The following FBXO25 variants were observed in gnomAD, a reference collection of about 807,000 sequenced individuals.
FBXO25 encodes F-box only protein 25.
Under a neutral mutation model 51.9 loss-of-function variants are expected in FBXO25, and 45 were observed. The observed-to-expected ratio is 0.87, with a 90% CI of 0.68 to 1.11. The LOEUF is 1.11. FBXO25 is among the 50% of genes most tolerant of loss of function. The probability of loss-of-function intolerance (pLI) is 0.00; values close to 1 mark genes in which losing one functional copy is unlikely to be tolerated. For synonymous variants in FBXO25, 199 were observed against 151.0 expected, an observed-to-expected ratio of 1.32 and a Z score of -2.33; for missense variants, 507 against 428.5, an observed-to-expected ratio of 1.18 and a Z score of -1.62.
chr8:409,333 C>T (rs1294060291), intron 1 of FBXO25, among the ~76,000 whole-genome samples: 1 of 152,152 alleles, frequency 6.6e-6, no homozygotes, highest in Non-Finnish European at 1.5e-5. Flanking sequence ...AAATCTTTTC[C>T]TCTGTGTTGA....
intron 1 of FBXO25, among the ~76,000 whole-genome samples, chr8:410,220 A>G (rs1387955972): frequency 1.3e-5 from 2 of 152,178 alleles, no homozygotes; most frequent in South Asian, 2.1e-4. Context: ...ACACTCACAT[A>G]TCTACATGTA....
At chr8:451,804 G>A (rs1238812035) in intron 7 of FBXO25, among the ~76,000 whole-genome samples, 2 of 152,168 alleles carry the variant, frequency 1.3e-5, no homozygotes, top group Admixed American at 6.5e-5. Context: ...TTTAGTTGTT[G>A]CTTCTCCCAA....
intron 2 of FBXO25, among the ~76,000 whole-genome samples, chr8:418,943 A>G (rs1447011314): frequency 6.6e-6 from 1 of 152,246 alleles, no homozygotes; most frequent in African/African-American, 2.4e-5. Context: ...AAGTTTTAAG[A>G]AGAAAACAGT....
chr8:475,372 G>A lies in FBXO25; in HGVS notation c.*6568G>A, dbSNP rs1316147235. On this transcript the variant is annotated 3_prime_UTR_variant, in exon 10 of 10. Transcript: ENST00000350302. ...TTGTCGTAAGTTATGAAATAAGGAAGTGAGAGACCTCCTACTTGGTTCCCT... is the reference window on the plus strand; with the variant it reads ...TTGTCGTAAGTTATGAAATAAGGAAATGAGAGACCTCCTACTTGGTTCCCT... 6.4e-6 allele frequency: 1 copy of A among 156,714 alleles called. No individual in the cohort carries two copies. Among genetic ancestry groups the A allele is most frequent in the Non-Finnish European group, 1.4e-5 (1 of 71,258 alleles). 9.7% of individuals were successfully genotyped at this position (156,714 alleles called of 1,614,324 possible).
At chr8:447,095 C>G (rs548692966) in intron 5 of FBXO25, among the ~76,000 whole-genome samples, 4 of 152,178 alleles carry the variant, frequency 2.6e-5, no homozygotes, top group African/African-American at 9.7e-5. Flanking sequence ...GTCTAGAAGT[C>G]GAGCCCCACA....
Position 475,564 on chromosome 8 carries a change from C to CTATT in FBXO25, c.*6766_*6769dup, listed in dbSNP as rs1408428089. On this transcript the variant is annotated 3_prime_UTR_variant, in exon 10 of 10. Transcript: ENST00000350302. ...CAATCCATAAACACGGGATTGCTTT[C>CTATT]TATTTATTTGTGTTGACCTTACTTT... The CTATT allele has an allele frequency of 6.6e-6, 1 of 151,902 alleles. No individual in the cohort carries two copies. Among genetic ancestry groups the CTATT allele is most frequent in the Non-Finnish European group, 1.5e-5 (1 of 68,020 alleles). The allele number at this position is 151,902 out of a possible 1,614,324, so 9.4% of individuals were successfully genotyped here.
At chr8:423,395 C>T (rs182574451) in intron 2 of FBXO25, among the ~76,000 whole-genome samples, 1 of 152,154 alleles carries the variant, frequency 6.6e-6, no homozygotes, top group African/African-American at 2.4e-5. Context: ...CAGATCCTGT[C>T]ACCTCGTTAG....
At chr8:438,725 T>C (rs1435602446) in intron 5 of FBXO25, among the ~76,000 whole-genome samples, 1 of 152,176 alleles carries the variant, frequency 6.6e-6, no homozygotes, top group African/African-American at 2.4e-5. Context: ...TTTTCTAACT[T>C]TCAAGAAACT....
chr8:407,392 A>G lies in FBXO25; in HGVS notation c.-8+326A>G, dbSNP rs1481153131. ...GGGTCCGCGGGCGCGTCAGGTAGGGACGATGGGCCGCGGGCGCGTCAGGTG... is the reference window on the plus strand; with the variant it reads ...GGGTCCGCGGGCGCGTCAGGTAGGGGCGATGGGCCGCGGGCGCGTCAGGTG... On this transcript the variant is annotated intron_variant, in intron 1 of 9. Transcript: ENST00000350302. The G allele has an allele frequency of 2.3e-5, 23 of 979,910 alleles. No homozygotes were observed. The South Asian group carries it at 7.6e-4, about 32-fold the overall frequency. 60.7% of individuals were successfully genotyped at this position (979,910 alleles called of 1,614,324 possible). A position where few individuals can be genotyped will look rare whatever the true frequency, so the allele number is the denominator to read the frequency against.
At chr8:418,972 A>T (rs951669537) in intron 2 of FBXO25, among the ~76,000 whole-genome samples, 1 of 152,196 alleles carries the variant, frequency 6.6e-6, no homozygotes, top group Non-Finnish European at 1.5e-5. Context: ...AATGTAAAGT[A>T]GGCAGATTGC....
intron 2 of FBXO25, among the ~76,000 whole-genome samples, chr8:425,816 C>A (rs1201500171): frequency 6.6e-6 from 1 of 151,608 alleles, no homozygotes; most frequent in Non-Finnish European, 1.5e-5. Flanking sequence ...TTTTTTACAT[C>A]ACAGATAACA....
intron 7 of FBXO25, among the ~76,000 whole-genome samples, chr8:453,448 G>A (rs1424828761): frequency 2.0e-5 from 3 of 152,072 alleles, no homozygotes; most frequent in Non-Finnish European, 4.4e-5. Context: ...GTAGGAGTTG[G>A]CCAGAGGAGT....
intron 2 of FBXO25, among the ~76,000 whole-genome samples, chr8:413,792 A>C (rs1161843736): frequency 4.6e-5 from 7 of 152,224 alleles, no homozygotes; most frequent in African/African-American, 1.7e-4. Flanking sequence ...AGTTACATGC[A>C]TCACGTTGCC....
intron 1 of FBXO25, among the ~76,000 whole-genome samples, chr8:410,190 CTG>C (rs1563057475): frequency 6.6e-6 from 1 of 152,180 alleles, no homozygotes; most frequent in African/African-American, 2.4e-5. Context: ...GTGGACATAT[CTG>C]TATGTATGTA....
intron 1 of FBXO25, among the ~76,000 whole-genome samples, chr8:412,422 G>A (rs751326209): frequency 2.0e-5 from 3 of 152,140 alleles, no homozygotes; most frequent in Non-Finnish European, 4.4e-5. Context: ...CCTTTTAAAG[G>A]TCAACATTCA....
chr8:422,358 C>T (rs1337120814), intron 2 of FBXO25, among the ~76,000 whole-genome samples: 1 of 152,224 alleles, frequency 6.6e-6, no homozygotes, highest in East Asian at 1.9e-4. Context: ...ATTTGACGGA[C>T]ATTCTACAAA....
chr8:420,499 G>A (rs1797082301), intron 2 of FBXO25: 1 of 152,182 alleles, frequency 6.6e-6, no homozygotes, highest in Non-Finnish European at 1.5e-5. Context: ...TGTTAATAGA[G>A]TTTTATTCAG....
chr8:467,740 A>G (rs960916453), intron 9 of FBXO25: 2 of 1,613,778 alleles, frequency 1.2e-6, no homozygotes, highest in African/African-American at 1.3e-5. Flanking sequence ...TTGCTTTACT[A>G]TTCAAGGTAC....
chr8:433,137 G>C (rs1485340788), intron 4 of FBXO25, among the ~76,000 whole-genome samples: 2 of 152,178 alleles, frequency 1.3e-5, no homozygotes, highest in Non-Finnish European at 2.9e-5. Context: ...GCATGTGCAT[G>C]TGGTATGTGG....
Sources: allele counts gnomAD v4.1 joint callset (sites outside exome capture counted in the v4.1 genomes callset), GRCh38; gene constraint gnomAD v4.1.1; transcripts MANE v1.5; gene names NCBI Gene and HGNC (gene_info 2026-07-23, HGNC 2026-07-21).